The following PANK1 variants were observed in gnomAD, a reference collection of about 807,000 sequenced individuals.
PANK1 encodes the protein pantothenate kinase 1.
Under a neutral mutation model 40.1 loss-of-function variants are expected in PANK1, and 18 were observed. That is an observed-to-expected ratio of 0.45 (90% CI 0.31 to 0.67). The LOEUF is 0.67. Among genes scored for constraint, PANK1 ranks in the 30% least tolerant of loss-of-function variants. The probability of loss-of-function intolerance (pLI) is 0.06; values close to 1 mark genes in which losing one functional copy is unlikely to be tolerated. For missense variants in PANK1, 457 were observed against 599.6 expected (o/e 0.76, Z 2.48); for synonymous variants, 242 against 237.7 (o/e 1.02, Z -0.17).
At chr10:89,622,102 C>T (rs1215090933) in intron 1 of PANK1, among the ~76,000 whole-genome samples, 3 of 152,144 alleles carry the variant, frequency 2.0e-5, no homozygotes, top group Admixed American at 6.5e-5. Context: ...TAATCATATG[C>T]AAAGACCTCC....
intron 1 of PANK1, among the ~76,000 whole-genome samples, chr10:89,624,790 G>C (rs887600070): frequency 1.3e-5 from 2 of 152,186 alleles, no homozygotes; most frequent in Non-Finnish European, 2.9e-5. Flanking sequence ...AGTGGGATAG[G>C]AGTCACGTCC....
chr10:89,595,726 G>GCGGGAGGTA (rs2133934833), intron 3 of PANK1, among the ~76,000 whole-genome samples: 1 of 147,368 alleles, frequency 6.8e-6, no homozygotes, highest in African/African-American at 2.5e-5. Flanking sequence ...ATGCTGAGGT[G>GCGGGAGGTA]CGGGGATTAC....
intron 2 of PANK1, among the ~76,000 whole-genome samples, chr10:89,603,226 C>G (rs1226753855): frequency 6.6e-6 from 1 of 152,134 alleles, no homozygotes; most frequent in Non-Finnish European, 1.5e-5. Context: ...CGACCATGAC[C>G]AATTTCAAGC....
chr10:89,645,162 C>G lies in PANK1; in HGVS notation c.-271G>C. On this transcript the variant is annotated 5_prime_UTR_variant, in exon 1 of 7. Transcript: ENST00000307534. Reference sequence around the variant, plus strand: ...CGGAATCGGGGATCCCCGCGCACCCCCAGCCGGGGCTCCCGCCGCCCGCCT... The same window carrying G: ...CGGAATCGGGGATCCCCGCGCACCCGCAGCCGGGGCTCCCGCCGCCCGCCT... 9 of 1,544,400 alleles carry G rather than the reference C, an allele frequency of 5.8e-6. No individual in the cohort carries two copies. Among genetic ancestry groups the G allele is most frequent in the Non-Finnish European group, 7.8e-6 (9 of 1,149,120 alleles).
Position 89,644,694 on chromosome 10 carries a change from C to T in PANK1, c.198G>A (p.Glu66=), listed in dbSNP as rs945995131. The stretch of plus-strand genomic sequence containing the variant: ...GAGGGAGCAGTGGCTGCGGCTGCAG[C>T]TCCGGCAGGAGCGGGAGGCGCTGGG... ...AAPQRLPLLP[E]LQPQPLLPQH... is the part of the protein sequence containing the mutation. Residue 66 remains glutamate, a synonymous_variant, in exon 1 of 7, where the codon GAG becomes GAA. Coordinates refer to ENST00000307534, the MANE Select transcript of PANK1 (RefSeq NM_148977.3). The T allele has an allele frequency of 4.5e-6, 7 of 1,547,102 alleles. No homozygotes were observed. In the East Asian group the frequency reaches 7.4e-5, roughly 16 times the overall value.
intron 1 of PANK1, among the ~76,000 whole-genome samples, chr10:89,634,332 G>T (rs1841739244): frequency 1.3e-5 from 2 of 152,126 alleles, no homozygotes; most frequent in African/African-American, 4.8e-5. Flanking sequence ...TGGCTGCCCA[G>T]GCTAGCTACA....
At chr10:89,638,957 G>C (rs1841898258) in intron 1 of PANK1, among the ~76,000 whole-genome samples, 1 of 152,138 alleles carries the variant, frequency 6.6e-6, no homozygotes, top group Non-Finnish European at 1.5e-5. Flanking sequence ...GCTTTTCATA[G>C]CCTGCTTCCC....
chr10:89,636,424 C>T (rs968712428), intron 1 of PANK1, among the ~76,000 whole-genome samples: 9 of 151,770 alleles, frequency 5.9e-5, no homozygotes, highest in East Asian at 1.9e-4. Flanking sequence ...GCAGGCTCGG[C>T]CCCCCGGGGT....
rs1470316682 is a variant in PANK1 at position 89,583,702 on chromosome 10, T to A, written c.*704A>T. On this transcript the variant is annotated 3_prime_UTR_variant, in exon 7 of 7. Transcript: ENST00000307534. ...TTAAATTCATTAACACATTCAGTCT[T>A]CTCTTCACGGGCATTTTCAAGAGCT... The A allele has an allele frequency of 1.3e-5, 2 of 152,218 alleles. No individual in the cohort carries two copies. The highest frequency in any genetic ancestry group is 2.9e-5 in the Non-Finnish European group (2 of 68,020). The allele number at this position is 152,218 out of a possible 1,614,324, so 9.4% of individuals were successfully genotyped here.
chr10:89,589,347 A>G (rs1434494485), intron 5 of PANK1, among the ~76,000 whole-genome samples: 2 of 152,264 alleles, frequency 1.3e-5, no homozygotes, highest in Non-Finnish European at 2.9e-5. Context: ...AAATAATTCT[A>G]TTTTTGTCAT....
At position 89,599,279 on chromosome 10, in the gene PANK1, T is replaced by C. The variant is rs1844704072; in HGVS notation, c.872A>G (p.Asp291Gly). 4.3e-6 allele frequency: 7 copies of C among 1,614,122 alleles called. No individual in the cohort carries two copies. The East Asian group carries it at 6.7e-5, about 15-fold the overall frequency. ...GGTCCCTGTAACTCTTTTATAGTTG[T>C]CCTTGGAGTACACGGCTAGAATGCT... Reference protein sequence around the residue: ...GVSILAVYSKDNYKRVTGTSL... With the variant: ...GVSILAVYSKGNYKRVTGTSL... The change falls in exon 3 of 7, where the codon GAC becomes GGC. Residue 291 changes from aspartate to glycine, a missense_variant. Coordinates refer to ENST00000307534, the MANE Select transcript of PANK1 (RefSeq NM_148977.3).
At chr10:89,600,761 G>A (rs1043272924) in intron 2 of PANK1, among the ~76,000 whole-genome samples, 3 of 151,988 alleles carry the variant, frequency 2.0e-5, no homozygotes, top group African/African-American at 7.3e-5. Flanking sequence ...CTGGCCCAGA[G>A]ATCTGGAAAC....
chr10:89,617,779 T>C (rs888715826), intron 1 of PANK1, among the ~76,000 whole-genome samples: 9 of 152,202 alleles, frequency 5.9e-5, no homozygotes, highest in African/African-American at 2.2e-4. Context: ...AATACAAGTA[T>C]GCCTAGAAGG....
intron 5 of PANK1, among the ~76,000 whole-genome samples, chr10:89,590,282 T>A (rs1286447306): frequency 6.6e-6 from 1 of 152,018 alleles, no homozygotes; most frequent in Non-Finnish European, 1.5e-5. Context: ...TAATAAAGAG[T>A]TCCATAAATC....
At chr10:89,603,249 G>A (rs1305435933) in intron 2 of PANK1, among the ~76,000 whole-genome samples, 1 of 152,182 alleles carries the variant, frequency 6.6e-6, no homozygotes, top group African/African-American at 2.4e-5. Context: ...CCAATGTGAT[G>A]TCAATAAACA....
intron 2 of PANK1, among the ~76,000 whole-genome samples, chr10:89,605,209 G>GT (rs1395430168): frequency 6.6e-6 from 1 of 152,150 alleles, no homozygotes; most frequent in African/African-American, 2.4e-5. Flanking sequence ...TCAAAGCAGG[G>GT]TTTGCTGAGG....
At chr10:89,593,752 G>T in intron 4 of PANK1, 61 bp downstream of exon 4, 2 of 1,269,446 alleles carry the variant, frequency 1.6e-6, no homozygotes, top group Non-Finnish European at 2.3e-6. Flanking sequence ...TTAGTGAATG[G>T]CCAGGGTGGA....
intron 3 of PANK1, among the ~76,000 whole-genome samples, chr10:89,596,559 A>T (rs1271353728): frequency 6.6e-6 from 1 of 152,230 alleles, no homozygotes; most frequent in East Asian, 1.9e-4. Context: ...GTCTCCCAGC[A>T]CTTTATTAAT....
At position 89,590,073 on chromosome 10, in the gene PANK1, AG is replaced by A. The variant is rs1009182131; in HGVS notation, c.1201-1297del. 1.1e-3 allele frequency among the ~76,000 whole-genome samples: 171 copies of A among 151,682 alleles called. 2 individuals carry two copies. The highest frequency in any genetic ancestry group is 3.9e-3 in the African/African-American group (162 of 41,510). On this transcript the variant is annotated intron_variant, in intron 5 of 6. Coordinates refer to ENST00000307534, the MANE Select transcript of PANK1 (RefSeq NM_148977.3). ...AGAAAGAAAGAAAAGAAAAAGAGAT[AG>A]GGAAAAATATGGAAGAATTGGAAAA...
Sources: allele counts gnomAD v4.1 joint callset (sites outside exome capture counted in the v4.1 genomes callset), GRCh38; gene constraint gnomAD v4.1.1; transcripts MANE v1.5; gene names NCBI Gene and HGNC (gene_info 2026-07-23, HGNC 2026-07-21).